The following GSPT1 variants were observed in gnomAD, a reference collection of about 807,000 sequenced individuals.
GSPT1 encodes eukaryotic peptide chain release factor GTP-binding subunit ERF3A.
In GSPT1, 20 loss-of-function variants were observed where a neutral mutation model predicts 72.5. The ratio of observed to expected loss-of-function variants is 0.28; its 90% CI spans 0.19 to 0.40. The LOEUF (loss-of-function observed/expected upper bound fraction) is 0.40, where lower values mean the gene tolerates loss of function less well. Among genes scored for constraint, GSPT1 ranks in the 10% least tolerant of loss-of-function variants. The pLI is 1.00. For missense variants in GSPT1, 580 were observed against 811.9 expected, an observed-to-expected ratio of 0.71 and a Z score of 3.47; for synonymous variants, 334 against 293.5, an observed-to-expected ratio of 1.14 and a Z score of -1.41.
Position 11,870,433 on chromosome 16 carries a change from T to A in GSPT1, c.*2686A>T, listed in dbSNP as rs1222199585. 4.6e-5 allele frequency: 7 copies of A among 152,228 alleles called. No individual in the cohort carries two copies. Among genetic ancestry groups the A allele is most frequent in the African/African-American group, 1.4e-4 (6 of 41,534 alleles). The allele number at this position is 152,228 out of a possible 1,614,324, so 9.4% of individuals were successfully genotyped here. On this transcript the variant is annotated 3_prime_UTR_variant, in exon 15 of 15. Transcript: ENST00000434724. ...AATGTGAAAAGATGCAAGAAAAAAA[T>A]CATTCTAGTAGAGCAACGTTAGAGA...
At chr16:11,886,364 T>A in intron 9 of GSPT1, 107 bp downstream of exon 9, 1 of 663,480 alleles carries the variant, frequency 1.5e-6, no homozygotes, top group Non-Finnish European at 2.5e-6. Flanking sequence ...TATAAAGATA[T>A]ATGCTCAAAA....
At position 11,899,495 on chromosome 16, in the gene GSPT1, G is replaced by A. The variant is rs1039097657; in HGVS notation, c.353-1460C>T. 2.0e-5 allele frequency among the ~76,000 whole-genome samples: 3 copies of A among 152,170 alleles called. No homozygotes were observed. In the East Asian group the frequency reaches 5.8e-4, roughly 29 times the overall value. On this transcript the variant is annotated intron_variant, in intron 1 of 14. Transcript: ENST00000434724. ...ACAACCAAGCAATACAACTAGGAGG[G>A]GATGGGGGCTACACCTGACAGGAGT...
At chr16:11,914,953 C>A in intron 1 of GSPT1, 1 of 1,196,708 alleles carries the variant, frequency 8.4e-7, no homozygotes, top group Non-Finnish European at 1.1e-6. Flanking sequence ...CTCGGCCATT[C>A]GTCCTCCCCA....
At chr16:11,881,190 C>T (rs899344344) in intron 11 of GSPT1, 1 of 152,266 alleles carries the variant, frequency 6.6e-6, no homozygotes, top group African/African-American at 2.4e-5. Flanking sequence ...GGCCCACCCA[C>T]CAGCTGCCTC....
At chr16:11,905,444 A>C (rs886981584) in intron 1 of GSPT1, among the ~76,000 whole-genome samples, 2 of 152,138 alleles carry the variant, frequency 1.3e-5, no homozygotes, top group African/African-American at 4.8e-5. Flanking sequence ...TTGCCTACCT[A>C]ATCCCCCATT....
chr16:11,907,600 T>C (rs917912417), intron 1 of GSPT1, among the ~76,000 whole-genome samples: 2 of 138,788 alleles, frequency 1.4e-5, no homozygotes, highest in African/African-American at 6.9e-5. Flanking sequence ...GCTCCAGGCA[T>C]GCCCTTCCCG....
chr16:11,898,137 A>G, intron 1 of GSPT1, 102 bp from the exon 2 acceptor site: 1 of 729,776 alleles, frequency 1.4e-6, no homozygotes, highest in Non-Finnish European at 2.4e-6. Flanking sequence ...ACACGACACA[A>G]GCCTCAATCA....
rs2054189137 is a variant in GSPT1 at position 11,886,625 on chromosome 16, G to A, written c.1113-14C>T. 3 of 1,599,982 alleles carry A rather than the reference G, an allele frequency of 1.9e-6. No homozygotes were observed. In the East Asian group the frequency reaches 6.7e-5, roughly 36 times the overall value. On this transcript the variant is annotated splice_polypyrimidine_tract_variant and intron_variant, in intron 8 of 14. Coordinates refer to ENST00000434724, the MANE Select transcript of GSPT1 (RefSeq NM_002094.4). ...CATTCTTCATATCTGCAATTATAAT[G>A]TAACCAAAATAACTCAATTATAATG... is the stretch of plus-strand genomic sequence containing the variant.
At position 11,870,950 on chromosome 16, in the gene GSPT1, A is replaced by C. The variant is rs922993371; in HGVS notation, c.*2169T>G. ...AGTAGCAAACATAACTTATTTTTTA[A>C]AAATGTGTTCTATTTAGAAAGGGAA... On this transcript the variant is annotated 3_prime_UTR_variant, in exon 15 of 15. Transcript: ENST00000434724. 3.3e-5 allele frequency: 5 copies of C among 152,180 alleles called. No individual in the cohort carries two copies. Among genetic ancestry groups the C allele is most frequent in the Admixed American group, 2.0e-4 (3 of 15,276 alleles). 9.4% of individuals were successfully genotyped at this position (152,180 alleles called of 1,614,324 possible). A position where few individuals can be genotyped will look rare whatever the true frequency, so the allele number is the denominator to read the frequency against.
chr16:11,915,058 C>A (rs2054613526), intron 1 of GSPT1: 4 of 1,291,426 alleles, frequency 3.1e-6, no homozygotes, highest in Admixed American at 2.3e-5. Flanking sequence ...GGCCCCCACT[C>A]CGTTCCATAC....
intron 5 of GSPT1, among the ~76,000 whole-genome samples, chr16:11,892,426 C>A (rs2054273471): frequency 6.7e-6 from 1 of 148,358 alleles, no homozygotes; most frequent in African/African-American, 2.5e-5. Flanking sequence ...GGAGGACTGC[C>A]TGAGTCCATG....
At chr16:11,893,071 G>A (rs1044529639) in intron 5 of GSPT1, among the ~76,000 whole-genome samples, 18 of 151,762 alleles carry the variant, frequency 1.2e-4, no homozygotes, top group Non-Finnish European at 1.9e-4. Context: ...AATATAGTAG[G>A]TTTTGTTTTT....
In GSPT1 at chr16:11,915,407, T is replaced by G; in HGVS notation, c.314A>C (p.Asn105Thr). The G allele has an allele frequency of 2.0e-6, 3 of 1,507,062 alleles. No homozygotes were observed. The highest frequency in any genetic ancestry group is 1.2e-5 in the South Asian group (1 of 80,106). The allele number at this position is 1,507,062 out of a possible 1,614,324, so 93.4% of individuals were successfully genotyped here. Residue 105 changes from asparagine (N) to threonine (T), a missense_variant, in exon 1 of 15, where the codon AAT becomes ACT. Asn to Thr is a moderately conservative substitution (Grantham distance 65). Around this residue, in one of 6 missense-constraint regions of GSPT1, gnomAD observed 327 missense variants for 298.8 expected, o/e 1.09. Coordinates refer to ENST00000434724, the MANE Select transcript of GSPT1 (RefSeq NM_002094.4). ...CGCGCCGCTGCCGGCTCCGTGGTTA[T>G]TGGCGGCGCCGCCAACTGGGGGTGG... Reference protein sequence around the residue: ...APPPPVGGAANNHGAGSGAGG... With the variant: ...APPPPVGGAATNHGAGSGAGG...
chr16:11,889,598 C>G (rs2054229783), intron 6 of GSPT1, among the ~76,000 whole-genome samples: 1 of 151,792 alleles, frequency 6.6e-6, no homozygotes, highest in African/African-American at 2.4e-5. Context: ...ACCTCCGCCT[C>G]CCAGGTTCAA....
chr16:11,906,579 A>G (rs2054493064), intron 1 of GSPT1, among the ~76,000 whole-genome samples: 1 of 152,180 alleles, frequency 6.6e-6, no homozygotes, highest in African/African-American at 2.4e-5. Context: ...GGCCACAGTG[A>G]GCTATGATTG....
At chr16:11,875,232 G>A (rs1175863629) in intron 14 of GSPT1, among the ~76,000 whole-genome samples, 3 of 151,032 alleles carry the variant, frequency 2.0e-5, no homozygotes, top group Admixed American at 6.6e-5. Context: ...AAGGGAAAGG[G>A]AAAGGAAAAG....
intron 6 of GSPT1, 116 bp from the exon 7 acceptor site, chr16:11,887,866 T>C (rs2054203235): frequency 1.3e-6 from 1 of 760,726 alleles, no homozygotes; most frequent in South Asian, 1.8e-5. Context: ...CGAACAAGAT[T>C]GGTGAAATGA....
chr16:11,889,504 C>G (rs1596463964), intron 6 of GSPT1, among the ~76,000 whole-genome samples: 1 of 148,122 alleles, frequency 6.8e-6, no homozygotes, highest in Non-Finnish European at 1.5e-5. Context: ...CGCCCGGCTA[C>G]TTTTTGTATA....
At chr16:11,890,286 A>T (rs112290842) in intron 6 of GSPT1, among the ~76,000 whole-genome samples, 1 of 152,220 alleles carries the variant, frequency 6.6e-6, no homozygotes, top group Non-Finnish European at 1.5e-5. Context: ...AATAAAAAAT[A>T]ACTGTCCTCA....
Sources: allele counts gnomAD v4.1 joint callset (sites outside exome capture counted in the v4.1 genomes callset), GRCh38; gene constraint gnomAD v4.1.1; regional missense constraint gnomAD v4.1.1; transcripts MANE v1.5; gene names NCBI Gene and HGNC (gene_info 2026-07-23, HGNC 2026-07-21).